Variants in HSD17B12 observed in about 807,000 individuals in gnomAD.
The protein encoded by HSD17B12 is very-long-chain 3-oxoacyl-CoA reductase.
In HSD17B12, 32 loss-of-function variants were observed where a neutral mutation model predicts 39.3. The ratio of observed to expected loss-of-function variants is 0.81; its 90% confidence interval spans 0.61 to 1.09. HSD17B12 has a LOEUF of 1.09. Among genes scored for constraint, HSD17B12 ranks in the 50% least tolerant of loss-of-function variants. HSD17B12 has a pLI of 0.00. For synonymous variants in HSD17B12, 150 were observed against 146.7 expected, an observed-to-expected ratio of 1.02 and a Z score of -0.16; for missense variants, 342 against 382.9, an observed-to-expected ratio of 0.89 and a Z score of 0.89.
chr11:43,685,892 CA>C (rs1194768335), intron 1 of HSD17B12, among the ~76,000 whole-genome samples: 6 of 152,166 alleles, frequency 3.9e-5, no homozygotes, highest in Admixed American at 3.3e-4. Context: ...CAAATTTGCA[CA>C]TTCATGATTT....
the HSD17B12 span, among the ~76,000 whole-genome samples, chr11:43,635,360 A>G: frequency 6.6e-6 from 1 of 152,232 alleles, no homozygotes; most frequent in Non-Finnish European, 1.5e-5. Flanking sequence ...TTCTTAGTGT[A>G]TGGTAACACA....
chr11:43,811,026 G>A (rs925590936), intron 4 of HSD17B12, among the ~76,000 whole-genome samples: 12 of 152,090 alleles, frequency 7.9e-5, no homozygotes, highest in African/African-American at 1.9e-4. Context: ...ATGGCATTGC[G>A]TGCACCCATT....
intron 6 of HSD17B12, among the ~76,000 whole-genome samples, chr11:43,818,187 TC>T (rs1305355136): frequency 2.0e-5 from 3 of 152,186 alleles, no homozygotes; most frequent in Non-Finnish European, 4.4e-5. Context: ...CATTTTGTCT[TC>T]CCCATGATTC....
chr11:43,726,715 T>G (rs555525260), intron 1 of HSD17B12, among the ~76,000 whole-genome samples: 9 of 152,312 alleles, frequency 5.9e-5, no homozygotes, highest in Admixed American at 5.9e-4. Flanking sequence ...ATATTTAGGT[T>G]GTGTCTAAAT....
chr11:43,589,802 G>T, the HSD17B12 span, among the ~76,000 whole-genome samples: 1 of 152,208 alleles, frequency 6.6e-6, no homozygotes, highest in African/African-American at 2.4e-5. Context: ...GAAGACCAGT[G>T]AGATTTAGGT....
At chr11:43,564,527 A>C in the HSD17B12 span, among the ~76,000 whole-genome samples, 2 of 152,204 alleles carry the variant, frequency 1.3e-5, no homozygotes, top group East Asian at 3.8e-4. Context: ...TTTAAAGCTT[A>C]ATCACTTATA....
At chr11:43,770,726 C>A (rs760503629) in intron 3 of HSD17B12, among the ~76,000 whole-genome samples, 2 of 152,104 alleles carry the variant, frequency 1.3e-5, no homozygotes, top group Non-Finnish European at 2.9e-5. Context: ...CAGAGTGAGA[C>A]CCTGTCTCAA....
At chr11:43,754,820 A>G in intron 3 of HSD17B12, 1 of 748,914 alleles carries the variant, frequency 1.3e-6, no homozygotes, top group Non-Finnish European at 2.4e-6. Context: ...GGAAAAATAG[A>G]AAAGATAGCA....
chr11:43,619,228 GATATATATATATATAAAATATAT>G, the HSD17B12 span, among the ~76,000 whole-genome samples: 1 of 20,892 alleles, frequency 4.8e-5, no homozygotes, highest in Non-Finnish European at 9.1e-5. Context: ...ATATATATAT[GATATATATATATATAAAATATAT>G]ATATATATTT....
upstream of HSD17B12, among the ~76,000 whole-genome samples, chr11:43,677,059 A>G (rs1295008867): frequency 6.6e-6 from 1 of 152,188 alleles, no homozygotes; most frequent in African/African-American, 2.4e-5. Context: ...ACCAAATTCA[A>G]TTAAAATAAA....
intron 1 of HSD17B12, chr11:43,681,194 C>A (rs1364321644): frequency 7.5e-7 from 1 of 1,337,398 alleles, no homozygotes. Flanking sequence ...GTACGAAATA[C>A]ACTGCTCGCT....
At chr11:43,562,100 CCA>C in the HSD17B12 span, among the ~76,000 whole-genome samples, 135 of 152,306 alleles carry the variant, frequency 8.9e-4, 3 homozygotes, top group Admixed American at 8.8e-3. Context: ...AATAGCTACC[CCA>C]CACAGTTATT....
chr11:43,571,760 T>A, the HSD17B12 span, among the ~76,000 whole-genome samples: 1 of 152,160 alleles, frequency 6.6e-6, no homozygotes, highest in African/African-American at 2.4e-5. Context: ...CAGCATCCAG[T>A]GGTCCTTAAA....
the HSD17B12 span, among the ~76,000 whole-genome samples, chr11:43,642,300 T>C: frequency 3.8e-4 from 58 of 151,822 alleles, no homozygotes; most frequent in Middle Eastern, 7.1e-3. Context: ...CTACTTAAAT[T>C]ACTTAATTAA....
the HSD17B12 span, among the ~76,000 whole-genome samples, chr11:43,667,581 G>T: frequency 6.6e-6 from 1 of 152,264 alleles, no homozygotes; most frequent in East Asian, 1.9e-4. Context: ...GACCAGAAGT[G>T]TTGCATATTT....
At chr11:43,581,442 A>G in the HSD17B12 span, 2,505 of 524,668 alleles carry the variant, frequency 4.8e-3, 72 homozygotes, top group South Asian at 0.035. The surrounding 1 kb of genome is among the most constrained non-coding windows in gnomAD (Gnocchi z 4.9). Flanking sequence ...ACATAACTCA[A>G]TAGCCGGAAG....
intron 3 of HSD17B12, among the ~76,000 whole-genome samples, chr11:43,775,571 G>A (rs543763475): frequency 9.9e-5 from 15 of 151,124 alleles, no homozygotes; most frequent in African/African-American, 3.6e-4. Flanking sequence ...ACTTTTATTT[G>A]CAACTCAAAT....
At chr11:43,838,664 T>A (rs755933462) in intron 8 of HSD17B12, among the ~76,000 whole-genome samples, 1 of 152,038 alleles carries the variant, frequency 6.6e-6, no homozygotes, top group African/African-American at 2.4e-5. Flanking sequence ...CCCAGCACTC[T>A]ACTGATTTTG....
intron 1 of HSD17B12, among the ~76,000 whole-genome samples, chr11:43,711,328 T>A (rs985062330): frequency 3.9e-5 from 6 of 152,206 alleles, no homozygotes; most frequent in African/African-American, 1.4e-4. Flanking sequence ...TTATTTTATC[T>A]TTAGAAAGAA....
Sources: gnomAD v4.1 joint callset for allele counts (sites outside exome capture counted in the v4.1 genomes callset) on GRCh38, gnomAD v4.1.1 for gene constraint, Gnocchi (gnomAD v3.1) non-coding constraint, MANE v1.5 for transcripts, NCBI Gene and HGNC (gene_info 2026-07-23, HGNC 2026-07-21) for gene names.